MCF2L: variants seen among roughly 807,000 people sequenced by gnomAD.
The protein encoded by MCF2L is MCF.2 cell line derived transforming sequence like, also known as guanine nucleotide exchange factor DBS.
A neutral mutation model predicts 153.4 loss-of-function variants in MCF2L; 97 were observed. The observed-to-expected ratio is 0.63, with a 90% CI of 0.54 to 0.75. The LOEUF (loss-of-function observed/expected upper bound fraction) is 0.75, where lower values mean the gene tolerates loss of function less well. Ranked by LOEUF, MCF2L falls within the 30% of genes least tolerant of loss-of-function variation. The probability of loss-of-function intolerance (pLI) is 0.00; values close to 1 mark genes in which losing one functional copy is unlikely to be tolerated. For synonymous variants in MCF2L, 659 were observed against 632.2 expected (o/e 1.04, Z -0.64); for missense variants, 1,347 against 1,495.2 (o/e 0.90, Z 1.64).
At chr13:112,900,336 G>A (rs2081107807) in intron 1 of MCF2L, among the ~76,000 whole-genome samples, 1 of 152,264 alleles carries the variant, frequency 6.6e-6, no homozygotes, top group African/African-American at 2.4e-5. Flanking sequence ...AAGGTGGTGA[G>A]CACAGCTGGG....
rs532309836 is a variant in MCF2L, at chr13:112,903,838, C to T, written c.169+1467C>T. Among the ~76,000 whole-genome samples the T allele has an allele frequency of 1.1e-4, 17 of 152,250 alleles. No individual in the cohort carries two copies. In the South Asian group the frequency reaches 2.7e-3, roughly 24 times the overall value. On this transcript the variant is annotated intron_variant, in intron 2 of 29. Transcript: ENST00000375608. ...GTACACACCTGAGAAACCCTGTGAG[C>T]GAGGAGACAGCTACTTCCTACAACA...
chr13:113,074,680 G>A lies in MCF2L; in HGVS notation c.1116+117G>A, dbSNP rs1271397484. On this transcript the variant is annotated intron_variant, in intron 10 of 29. Transcript: ENST00000535094. The surrounding 1 kb of genome is among the most constrained non-coding windows in gnomAD (Gnocchi z 4.2). ...CGGAGAACGGACCCCACAGCCCCCC[G>A]GGGATGTCCATGGGGTGGGGGGTGC... is the stretch of plus-strand genomic sequence containing the variant. The A allele has an allele frequency of 2.4e-5, 35 of 1,448,962 alleles. No individual in the cohort carries two copies. The highest frequency in any genetic ancestry group is 1.9e-4 in the East Asian group (8 of 41,328). The allele number at this position is 1,448,962 out of a possible 1,614,324, so 89.8% of individuals were successfully genotyped here.
At position 112,909,117 on chromosome 13, in the gene MCF2L, A is replaced by C. The variant is rs961201548; in HGVS notation, c.169+6746A>C. 3 of 726,230 alleles carry C rather than the reference A, an allele frequency of 4.1e-6. No individual in the cohort carries two copies. The African/African-American group carries it at 5.2e-5, about 12-fold the overall frequency. 45.0% of individuals were successfully genotyped at this position (726,230 alleles called of 1,614,324 possible). A position where few individuals can be genotyped will look rare whatever the true frequency, so the allele number is the denominator to read the frequency against. On this transcript the variant is annotated intron_variant, in intron 2 of 29. Transcript: ENST00000375608. The stretch of plus-strand genomic sequence containing the variant: ...GGTTTGAACTGTTCCCACTGCAAAG[A>C]AATTCTCTCCCTCCTGCTTGCCTCA...
intron 3 of MCF2L, among the ~76,000 whole-genome samples, chr13:113,038,636 G>T (rs1055523756): frequency 1.3e-5 from 2 of 152,136 alleles, no homozygotes; most frequent in African/African-American, 4.8e-5. Context: ...CTTTATTTAG[G>T]TGTGAACATT....
chr13:112,899,540 C>A (rs985987050), intron 1 of MCF2L, among the ~76,000 whole-genome samples: 4 of 152,200 alleles, frequency 2.6e-5, no homozygotes, highest in African/African-American at 9.7e-5. Context: ...TCTCTCTACC[C>A]ACGTATCTTG....
upstream of MCF2L, among the ~76,000 whole-genome samples, chr13:112,968,141 G>T (rs1290849392): frequency 8.9e-6 from 1 of 112,116 alleles, no homozygotes; most frequent in Non-Finnish European, 1.9e-5. Flanking sequence ...GGGGAGTGAG[G>T]TGGGGGGGGG....
At chr13:113,065,127 G>A (rs775788768) in intron 7 of MCF2L, 42 bp downstream of exon 7, 121 of 1,607,372 alleles carry the variant, frequency 7.5e-5, no homozygotes, top group Middle Eastern at 3.3e-4. Context: ...GGGGGGCTCC[G>A]GTCAGTCAGA....
chr13:113,081,804 G>A (rs537540719), intron 16 of MCF2L, among the ~76,000 whole-genome samples: 4 of 151,476 alleles, frequency 2.6e-5, no homozygotes, highest in East Asian at 1.9e-4. Flanking sequence ...GAGTGTAGAC[G>A]GGTGTCCGAA....
intron 2 of MCF2L, among the ~76,000 whole-genome samples, chr13:113,021,561 G>A (rs1216837416): frequency 6.6e-6 from 1 of 152,182 alleles, no homozygotes; most frequent in African/African-American, 2.4e-5. Context: ...AGGAGCTTCG[G>A]AGCCCTCTGT....
chr13:112,964,362 G>A (rs1333818852), upstream of MCF2L, among the ~76,000 whole-genome samples: 1 of 152,182 alleles, frequency 6.6e-6, no homozygotes, highest in Non-Finnish European at 1.5e-5. Context: ...GCAATACCCG[G>A]GCTGCCCCCA....
At chr13:113,086,737 T>C (rs1227445471) in intron 21 of MCF2L, among the ~76,000 whole-genome samples, 2 of 151,082 alleles carry the variant, frequency 1.3e-5, no homozygotes, top group African/African-American at 4.9e-5. Context: ...GCACTCATTC[T>C]CAGGTGTTTT....
rs2081209428 is a variant in MCF2L at position 112,909,553 on chromosome 13, T to G, written c.169+7182T>G. 5 of 473,422 alleles carry G rather than the reference T, an allele frequency of 1.1e-5. No homozygotes were observed. The East Asian group carries it at 1.6e-4, about 15-fold the overall frequency. 29.3% of individuals were successfully genotyped at this position (473,422 alleles called of 1,614,324 possible). ...CAACTTGGATGCAGGTAGTGCTCAGTGGCATTTGGAGGAGAGTCTAATAAC... is the reference window on the plus strand; with the variant it reads ...CAACTTGGATGCAGGTAGTGCTCAGGGGCATTTGGAGGAGAGTCTAATAAC... On this transcript the variant is annotated intron_variant, in intron 2 of 29. Coordinates refer to the MCF2L transcript ENST00000375608.
chr13:112,918,438 C>T (rs1015630751), intron 2 of MCF2L, among the ~76,000 whole-genome samples: 4 of 152,148 alleles, frequency 2.6e-5, no homozygotes, highest in Non-Finnish European at 4.4e-5. Context: ...TCCCACACCT[C>T]GGCAAGTTGA....
chr13:113,040,644 C>G (rs761357152), intron 3 of MCF2L: 1 of 152,862 alleles, frequency 6.5e-6, no homozygotes, highest in African/African-American at 2.4e-5. Context: ...CTGCTCCTCC[C>G]GTGTCCTGGC....
At chr13:112,996,479 C>T (rs1285209772) in intron 1 of MCF2L, among the ~76,000 whole-genome samples, 1 of 152,204 alleles carries the variant, frequency 6.6e-6, no homozygotes, top group Non-Finnish European at 1.5e-5. Context: ...GGGCCAGGCT[C>T]GACCTGTGCT....
chr13:113,022,542 C>T (rs573547950), intron 2 of MCF2L, among the ~76,000 whole-genome samples: 4 of 152,254 alleles, frequency 2.6e-5, no homozygotes, highest in Non-Finnish European at 4.4e-5. Flanking sequence ...GGCCCCTGAA[C>T]GTTCCCCCCA....
intron 2 of MCF2L, among the ~76,000 whole-genome samples, chr13:112,955,301 A>G (rs1313494867): frequency 6.6e-6 from 1 of 152,188 alleles, no homozygotes; most frequent in African/African-American, 2.4e-5. Context: ...CCCCTTAGGC[A>G]GTAGCCAGAG....
intron 4 of MCF2L, among the ~76,000 whole-genome samples, chr13:113,055,369 AC>A (rs56189966): frequency 0.028 from 247 of 8,930 alleles, 31 homozygotes; most frequent in African/African-American, 0.092. Flanking sequence ...GGAGACGTGG[AC>A]CCCCCCCCCC....
At chr13:113,092,394 CCGTGGGT>C (rs879582863) in intron 26 of MCF2L, among the ~76,000 whole-genome samples, 3,770 of 152,002 alleles carry the variant, frequency 0.025, 87 homozygotes, top group Non-Finnish European at 0.039. Context: ...GGGCCACTGC[CCGTGGGT>C]CATTTCCACC....
Sources: gnomAD v4.1 joint callset for allele counts (sites outside exome capture counted in the v4.1 genomes callset) on GRCh38, gnomAD v4.1.1 for gene constraint, Gnocchi (gnomAD v3.1) non-coding constraint, MANE v1.5 for transcripts, NCBI Gene and HGNC (gene_info 2026-07-23, HGNC 2026-07-21) for gene names.